Variants in ARRDC5 observed in about 807,000 individuals in gnomAD.
ARRDC5 encodes arrestin domain-containing protein 5.
In ARRDC5, 12 loss-of-function variants were observed where a neutral mutation model predicts 13.3. That is an observed-to-expected ratio of 0.90 (90% CI 0.58 to 1.46). The LOEUF (loss-of-function observed/expected upper bound fraction) is 1.46. Among genes scored for constraint, ARRDC5 ranks in the 40% most tolerant of loss-of-function variants. ARRDC5 has a pLI of 0.00. For synonymous variants in ARRDC5, 181 were observed against 173.4 expected (o/e 1.04, Z -0.34); for missense variants, 406 against 418.7 (o/e 0.97, Z 0.26).
the ARRDC5 span, chr19:4,909,320 G>A: frequency 2.1e-4 from 121 of 571,424 alleles, no homozygotes; most frequent in Middle Eastern, 5.8e-4. Flanking sequence ...AGAGCGCGCA[G>A]GGCTGGGCGG....
intron 1 of ARRDC5, among the ~76,000 whole-genome samples, chr19:4,897,399 G>A (rs879665092): frequency 5.3e-4 from 80 of 152,160 alleles, no homozygotes; most frequent in Non-Finnish European, 1.9e-4. Context: ...GGAGTGGGAT[G>A]CCCTGGGGTG....
the ARRDC5 span, among the ~76,000 whole-genome samples, chr19:4,915,840 G>A: frequency 3.9e-5 from 6 of 152,350 alleles, no homozygotes; most frequent in Non-Finnish European, 7.3e-5. Context: ...GGGTTTTCTG[G>A]CTAGGAAGAA....
chr19:4,908,853 T>C, the ARRDC5 span, among the ~76,000 whole-genome samples: 2 of 152,180 alleles, frequency 1.3e-5, no homozygotes, highest in Non-Finnish European at 2.9e-5. Flanking sequence ...GGCTGCTTTG[T>C]AGGTGCCCAG....
chr19:4,906,859 C>G (rs1041933036), upstream of ARRDC5, among the ~76,000 whole-genome samples: 1 of 152,230 alleles, frequency 6.6e-6, no homozygotes, highest in Non-Finnish European at 1.5e-5. Flanking sequence ...TAGAAATAGG[C>G]TAGGTTCCTG....
rs1217307532 is a variant in ARRDC5 at position 4,890,780 on chromosome 19, G to A, written c.*266C>T. 4.7e-6 allele frequency: 2 copies of A among 424,624 alleles called. No individual in the cohort carries two copies. Among genetic ancestry groups the A allele is most frequent in the African/African-American group, 4.0e-5 (2 of 50,186 alleles). 26.3% of individuals were successfully genotyped at this position (424,624 alleles called of 1,614,324 possible). A position where few individuals can be genotyped will look rare whatever the true frequency, so the allele number is the denominator to read the frequency against. On this transcript the variant is annotated 3_prime_UTR_variant, in exon 3 of 3. Coordinates refer to ENST00000650722, the MANE Select transcript of ARRDC5 (RefSeq NM_001080523.3). ...CTGGTCTTGGCACTGTGAGACCCCAGTAGGCTGGGGCAGACTCAGGGTGGA... is the reference window on the plus strand; with the variant it reads ...CTGGTCTTGGCACTGTGAGACCCCAATAGGCTGGGGCAGACTCAGGGTGGA...
At chr19:4,892,875 C>T (rs888499420) in intron 2 of ARRDC5, among the ~76,000 whole-genome samples, 2 of 151,112 alleles carry the variant, frequency 1.3e-5, no homozygotes, top group East Asian at 1.9e-4. Context: ...GGAGGCTGAG[C>T]GGGTGGATCA....
chr19:4,900,407 T>G (rs1453845241), intron 1 of ARRDC5, among the ~76,000 whole-genome samples: 2 of 152,094 alleles, frequency 1.3e-5, no homozygotes, highest in Non-Finnish European at 2.9e-5. Flanking sequence ...TGTGAGCCAC[T>G]GTGCCTGGCC....
At chr19:4,898,665 C>CT (rs71170878) in intron 1 of ARRDC5, among the ~76,000 whole-genome samples, 2,934 of 130,568 alleles carry the variant, frequency 0.022, 126 homozygotes, top group African/African-American at 0.074. Flanking sequence ...CGGGCTTGGC[C>CT]TTTTTTTTTT....
the ARRDC5 span, among the ~76,000 whole-genome samples, chr19:4,916,102 G>A: frequency 6.6e-6 from 1 of 152,090 alleles, no homozygotes; most frequent in East Asian, 1.9e-4. Flanking sequence ...GAGGTTGGGA[G>A]TTTGAGACCA....
intron 2 of ARRDC5, among the ~76,000 whole-genome samples, chr19:4,891,885 G>A (rs1001527066): frequency 5.3e-5 from 8 of 150,996 alleles, no homozygotes; most frequent in South Asian, 2.1e-4. Flanking sequence ...AACCCGGGAG[G>A]TGGAGGTTGC....
chr19:4,892,355 C>A (rs1005951333), intron 2 of ARRDC5, among the ~76,000 whole-genome samples: 5 of 151,590 alleles, frequency 3.3e-5, no homozygotes, highest in Non-Finnish European at 5.9e-5. Flanking sequence ...TACCAAAGTG[C>A]TGGGATTACA....
At chr19:4,904,756 G>T (rs1214706458), upstream of ARRDC5, among the ~76,000 whole-genome samples, 6 of 152,186 alleles carry the variant, frequency 3.9e-5, no homozygotes, top group East Asian at 1.2e-3. Flanking sequence ...GGGTGTGGGG[G>T]GTGGAATCAA....
the ARRDC5 span, among the ~76,000 whole-genome samples, chr19:4,913,706 C>T: frequency 6.6e-6 from 1 of 152,106 alleles, no homozygotes; most frequent in African/African-American, 2.4e-5. Flanking sequence ...ATTTCGTCTC[C>T]CAGGTCAGCT....
At position 4,896,772 on chromosome 19, in the gene ARRDC5, C is replaced by T. The variant is rs150395951; in HGVS notation, c.358G>A (p.Val120Ile). ...TSKFGHVFYF[V>I]QASCMGREHI... is the part of the protein sequence containing the mutation. ...TCCCTGCCCATGCAGGAAGCTTGTACGAAATAGAAGACATGGCCAAATTTG... is the reference window on the plus strand; with the variant it reads ...TCCCTGCCCATGCAGGAAGCTTGTATGAAATAGAAGACATGGCCAAATTTG... The change falls in exon 2 of 3, where the codon GTA becomes ATA. Residue 120 changes from valine (V) to isoleucine (I), a missense_variant. Transcript: ENST00000650722. 1.8e-5 allele frequency: 29 copies of T among 1,613,636 alleles called. No homozygotes were observed. The African/African-American group carries it at 2.0e-4, about 11-fold the overall frequency.
upstream of ARRDC5, among the ~76,000 whole-genome samples, chr19:4,905,374 C>A (rs562890502): frequency 1.9e-4 from 29 of 151,780 alleles, 1 homozygote; most frequent in Middle Eastern, 6.8e-3. Flanking sequence ...CTGCCTCAGC[C>A]TCCCAAAGTG....
At position 4,890,812 on chromosome 19, in the gene ARRDC5, A is replaced by G; in HGVS notation, c.*234T>C. On this transcript the variant is annotated 3_prime_UTR_variant, in exon 3 of 3. Coordinates refer to ENST00000650722, the MANE Select transcript of ARRDC5 (RefSeq NM_001080523.3). ...GGGGCAGACTCAGGGTGGAAAAGGCAGGTTATGCCGGGTTTGGGTCCTGGG... is the reference window on the plus strand; with the variant it reads ...GGGGCAGACTCAGGGTGGAAAAGGCGGGTTATGCCGGGTTTGGGTCCTGGG... 4.1e-6 allele frequency: 2 copies of G among 493,364 alleles called. No homozygotes were observed. Among genetic ancestry groups the G allele is most frequent in the East Asian group, 3.6e-5 (1 of 27,830 alleles). 30.6% of individuals were successfully genotyped at this position (493,364 alleles called of 1,614,324 possible).
chr19:4,911,976 G>C, the ARRDC5 span, among the ~76,000 whole-genome samples: 4 of 152,302 alleles, frequency 2.6e-5, no homozygotes, highest in East Asian at 7.7e-4. Context: ...TGGTGTCTAG[G>C]TTGGAAAATA....
At chr19:4,900,919 T>A (rs1043173436) in intron 1 of ARRDC5, among the ~76,000 whole-genome samples, 2 of 151,720 alleles carry the variant, frequency 1.3e-5, no homozygotes, top group African/African-American at 4.8e-5. Context: ...CTCGGGAGGC[T>A]GAGGCGGGAC....
At chr19:4,891,695 G>A (rs1487946408) in intron 2 of ARRDC5, 122 bp from the exon 3 acceptor site, 6 of 849,964 alleles carry the variant, frequency 7.1e-6, no homozygotes, top group South Asian at 1.8e-5. Flanking sequence ...GATAGCTCAC[G>A]CCTATAATCC....
Sources: gnomAD v4.1 joint callset for allele counts (sites outside exome capture counted in the v4.1 genomes callset) on GRCh38, gnomAD v4.1.1 for gene constraint, MANE v1.5 for transcripts, NCBI Gene and HGNC (gene_info 2026-07-23, HGNC 2026-07-21) for gene names.